Variants in NFXL1 observed in about 807,000 individuals in gnomAD.
The protein encoded by NFXL1 is NF-X1-type zinc finger protein NFXL1.
NFXL1 carries 66 observed loss-of-function variants against 123.3 expected under a neutral mutation model. The ratio of observed to expected loss-of-function variants is 0.54; its 90% CI spans 0.44 to 0.66. The LOEUF is 0.66. NFXL1 is among the 30% of genes least tolerant of loss of function. The probability of loss-of-function intolerance (pLI) is 0.00; values close to 1 mark genes in which losing one functional copy is unlikely to be tolerated. For missense variants in NFXL1, 944 were observed against 1,125.6 expected (o/e 0.84, Z 2.31); for synonymous variants, 346 against 360.8 (o/e 0.96, Z 0.46).
intron 22 of NFXL1, 185 bp downstream of exon 22, chr4:47,850,910 C>T: frequency 1.9e-6 from 1 of 538,182 alleles, no homozygotes; most frequent in East Asian, 3.0e-5. Flanking sequence ...GATCTCATAC[C>T]TTTTCAGAGT....
chr4:47,885,274 G>T (rs1222031384), intron 14 of NFXL1, among the ~76,000 whole-genome samples: 2 of 152,066 alleles, frequency 1.3e-5, no homozygotes, highest in African/African-American at 2.4e-5. Flanking sequence ...CCTGTATCAT[G>T]ATCATAATGT....
Position 47,875,209 on chromosome 4 carries a change from GACATCGCAAAAT to G in NFXL1, c.2152_2163del (p.Ile718_Cys721del). 1 of 1,612,740 alleles carries G rather than the reference GACATCGCAAAAT, an allele frequency of 6.2e-7. No individual in the cohort carries two copies. The highest frequency in any genetic ancestry group is 8.5e-7 in the Non-Finnish European group (1 of 1,178,894). On this transcript the variant is annotated inframe_deletion, in exon 18 of 23. Coordinates refer to ENST00000507489, the MANE Select transcript of NFXL1 (RefSeq NM_001278624.2). ...ACACAAGGTGGACATTCTCCAGGGT[GACATCGCAAAAT>G]ACATGGGTGAAGACAACCTAGTGGC...
chr4:47,865,498 A>C (rs1341625733), intron 18 of NFXL1, among the ~76,000 whole-genome samples: 2 of 132,710 alleles, frequency 1.5e-5, no homozygotes, highest in East Asian at 5.8e-4. Context: ...GAAAAAAAAA[A>C]AAACAACTCC....
intron 18 of NFXL1, among the ~76,000 whole-genome samples, chr4:47,870,960 TA>T (rs1197984159): frequency 6.6e-6 from 1 of 152,112 alleles, no homozygotes; most frequent in Non-Finnish European, 1.5e-5. Context: ...AAGGACCAAA[TA>T]AAGAATCCAC....
At position 47,898,831 on chromosome 4, in the gene NFXL1, T is replaced by C; in HGVS notation, c.1015A>G (p.Ser339Gly). The C allele has an allele frequency of 6.2e-7, 1 of 1,613,932 alleles. No individual in the cohort carries two copies. Among genetic ancestry groups the C allele is most frequent in the Non-Finnish European group, 8.5e-7 (1 of 1,179,812 alleles). The change falls in exon 8 of 23, where the codon AGT becomes GGT. Residue 339 changes from serine to glycine, a missense_variant. Ser to Gly is a moderately conservative substitution (Grantham distance 56). This residue lies in a region of NFXL1 where 296 missense variants were observed against 395.1 expected (regional missense o/e 0.75). Transcript: ENST00000507489. The part of the protein sequence containing the change: ...AGSCQPCPRV[S>G]RQKCVCGKKV... The stretch of plus-strand genomic sequence containing the variant: ...TTGCCACAGACACACTTTTGTCTAC[T>C]AACTCTTGGACAAGGCTGACAGCTT...
intron 4 of NFXL1, among the ~76,000 whole-genome samples, chr4:47,904,873 C>T (rs911478566): frequency 2.6e-5 from 4 of 151,568 alleles, no homozygotes. Flanking sequence ...CTGCCAAGTT[C>T]TACTTTCTTG....
At chr4:47,884,982 C>T (rs1430308475) in intron 14 of NFXL1, among the ~76,000 whole-genome samples, 2 of 151,896 alleles carry the variant, frequency 1.3e-5, no homozygotes, top group Non-Finnish European at 2.9e-5. Context: ...CAAAAATTAG[C>T]TGGGCATGGT....
chr4:47,878,812 A>T, intron 16 of NFXL1, 147 bp from the exon 17 acceptor site: 1 of 569,902 alleles, frequency 1.8e-6, no homozygotes, highest in Non-Finnish European at 2.8e-6. Context: ...TCAAAATCAA[A>T]GTAACCTGTC....
Position 47,899,399 on chromosome 4 carries a change from C to A in NFXL1, c.797G>T (p.Gly266Val). The A allele has an allele frequency of 6.2e-7, 1 of 1,613,728 alleles. No homozygotes were observed. The highest frequency in any genetic ancestry group is 1.1e-5 in the South Asian group (1 of 91,068). Residue 266 changes from glycine to valine, a missense_variant, in exon 6 of 23, where the codon GGC becomes GTC. Gly to Val is a moderately radical substitution (Grantham distance 109). This residue lies in a region of NFXL1 where 296 missense variants were observed against 395.1 expected (regional missense o/e 0.75). Transcript: ENST00000507489. ...ATGACAGAGGAGTAAACATTTATGG[C>A]CACAAGGAGGTTTAAATTCACGCTC... ...VCEREFKPPC[G>V]HKCLLLCHPG... is the part of the protein sequence containing the mutation.
chr4:47,898,565 A>G (rs1737225467), intron 8 of NFXL1, among the ~76,000 whole-genome samples, 192 bp downstream of exon 8: 1 of 152,178 alleles, frequency 6.6e-6, no homozygotes, highest in African/African-American at 2.4e-5. Context: ...ACTTTGAAAA[A>G]AATTTTTCCT....
At chr4:47,860,217 A>T (rs1734685514) in intron 19 of NFXL1, among the ~76,000 whole-genome samples, 5 of 152,214 alleles carry the variant, frequency 3.3e-5, no homozygotes. Context: ...GCCTATGGTA[A>T]ATATACAAAA....
rs138843661 is a variant in NFXL1, at chr4:47,848,299, C to T, written c.2600G>A (p.Arg867His). The T allele has an allele frequency of 6.9e-5, 112 of 1,612,438 alleles. No individual in the cohort carries two copies. The highest frequency in any genetic ancestry group is 1.2e-4 in the Admixed American group (7 of 59,926). The stretch of plus-strand genomic sequence containing the variant: ...ATCTCTTTTCCTGTTCTTCTTCCGA[C>T]GACCCTTCAGTCTGTTTTCAAAAGC... ...LEAFENRLKGRRKKNRKRDEV... is the reference protein window; with the variant it reads ...LEAFENRLKGHRKKNRKRDEV... The change falls in exon 23 of 23, where the codon CGT becomes CAT. Residue 867 changes from arginine (R) to histidine (H), a missense_variant. Coordinates refer to ENST00000507489, the MANE Select transcript of NFXL1 (RefSeq NM_001278624.2).
intron 12 of NFXL1, among the ~76,000 whole-genome samples, chr4:47,888,693 C>T (rs1736598097): frequency 6.6e-6 from 1 of 150,972 alleles, no homozygotes; most frequent in African/African-American, 2.5e-5. Context: ...ATCTGCAAAA[C>T]TCAGACTCTG....
In NFXL1 at chr4:47,894,263, G is replaced by A. The variant is rs183184004; in HGVS notation, c.1369C>T (p.Arg457Ter). 5.0e-6 allele frequency: 8 copies of A among 1,601,660 alleles called. No individual in the cohort carries two copies. The highest frequency in any genetic ancestry group is 4.0e-5 in the African/African-American group (3 of 74,582). Residue 457 changes from arginine (R) to a stop codon, truncating the protein, a stop_gained, in exon 11 of 23, where the codon CGA becomes TGA. Transcript: ENST00000507489. LOFTEE classifies it high-confidence loss of function. ...AGATAAGGTTTATGACAAGGCATTC[G>A]TTTTGTATGCTTTCCACAGCGACAA... Reference protein sequence around the residue: ...KHCRCGKHTKRMPCHKPYLCE... With the variant: ...KHCRCGKHTK
At chr4:47,862,092 G>C (rs1734801930) in intron 19 of NFXL1, among the ~76,000 whole-genome samples, 1 of 152,294 alleles carries the variant, frequency 6.6e-6, no homozygotes, top group South Asian at 2.1e-4. Flanking sequence ...ATCCAAAAGT[G>C]CATCTTCCCT....
intron 15 of NFXL1, among the ~76,000 whole-genome samples, 170 bp from the exon 16 acceptor site, chr4:47,879,287 AG>A (rs1274485388): frequency 6.6e-6 from 1 of 152,172 alleles, no homozygotes; most frequent in Non-Finnish European, 1.5e-5. Context: ...TTTCCTATAT[AG>A]TAGCAATGAG....
intron 19 of NFXL1, among the ~76,000 whole-genome samples, chr4:47,857,918 G>A (rs1560580952): frequency 1.3e-5 from 2 of 152,142 alleles, no homozygotes; most frequent in African/African-American, 4.8e-5. Context: ...AAGCTTGACT[G>A]TATAGCATTT....
At chr4:47,874,094 A>G (rs1286301182) in intron 18 of NFXL1, among the ~76,000 whole-genome samples, 1 of 152,274 alleles carries the variant, frequency 6.6e-6, no homozygotes, top group African/African-American at 2.4e-5. Context: ...ACATCTCTAA[A>G]TGTTGTGGCT....
chr4:47,875,428 G>T lies in NFXL1; in HGVS notation c.2080-135C>A, dbSNP rs1265872481. ...TTCTTAGAAACAGAGTTAATCAAAC[G>T]GTACATGCTCTCATTTATCTTAAAA... On this transcript the variant is annotated intron_variant, in intron 17 of 22. Transcript: ENST00000507489. 7.2e-6 allele frequency: 4 copies of T among 555,930 alleles called. No individual in the cohort carries two copies. The East Asian group carries it at 1.2e-4, about 17-fold the overall frequency. 34.4% of individuals were successfully genotyped at this position (555,930 alleles called of 1,614,324 possible).
Sources: gnomAD v4.1 joint callset for allele counts (sites outside exome capture counted in the v4.1 genomes callset) on GRCh38, gnomAD v4.1.1 for gene constraint, gnomAD v4.1.1 regional missense constraint, MANE v1.5 for transcripts, NCBI Gene and HGNC (gene_info 2026-07-23, HGNC 2026-07-21) for gene names.